SPMIP2: variants seen among roughly 807,000 people sequenced by gnomAD.
SPMIP2 encodes the protein sperm microtubule inner protein 2.
the SPMIP2 span, chr4:158,972,991 C>T: frequency 1.4e-3 from 1,190 of 861,098 alleles, 13 homozygotes; most frequent in African/African-American, 0.017. Context: ...AGAAATCAAG[C>T]ACCCGACATT....
At chr4:158,952,849 G>A in the SPMIP2 span, among the ~76,000 whole-genome samples, 4 of 152,198 alleles carry the variant, frequency 2.6e-5, no homozygotes, top group African/African-American at 9.6e-5. Flanking sequence ...GAGACTGGTG[G>A]CATTTTGCCC....
chr4:158,932,917 A>G, the SPMIP2 span, among the ~76,000 whole-genome samples: 1 of 152,230 alleles, frequency 6.6e-6, no homozygotes, highest in Non-Finnish European at 1.5e-5. Flanking sequence ...CATTGTTATT[A>G]CAAAGATTCA....
the SPMIP2 span, among the ~76,000 whole-genome samples, chr4:159,046,882 T>C: frequency 1.3e-5 from 2 of 152,236 alleles, no homozygotes; most frequent in Admixed American, 1.3e-4. Context: ...CCTTCAGCTG[T>C]TTATAGTGCT....
At chr4:158,899,899 T>C in the SPMIP2 span, among the ~76,000 whole-genome samples, 57 of 152,332 alleles carry the variant, frequency 3.7e-4, 2 homozygotes, top group East Asian at 8.5e-3. Flanking sequence ...CTTTTGAATT[T>C]GTTTGCTCTT....
chr4:159,021,397 T>G, the SPMIP2 span, among the ~76,000 whole-genome samples: 1 of 152,206 alleles, frequency 6.6e-6, no homozygotes, highest in Admixed American at 6.5e-5. Flanking sequence ...CGCATTGATT[T>G]GTGAATGAGC....
the SPMIP2 span, among the ~76,000 whole-genome samples, chr4:158,985,413 C>A: frequency 6.6e-6 from 1 of 150,964 alleles, no homozygotes; most frequent in African/African-American, 2.4e-5. Context: ...AATCCAGCAG[C>A]ACATCAAAAA....
At chr4:158,951,394 T>TAC in the SPMIP2 span, among the ~76,000 whole-genome samples, 1 of 152,180 alleles carries the variant, frequency 6.6e-6, no homozygotes, top group Non-Finnish European at 1.5e-5. Flanking sequence ...CTGAATATTG[T>TAC]AGACAATTGT....
the SPMIP2 span, among the ~76,000 whole-genome samples, chr4:158,953,303 G>A: frequency 6.6e-6 from 1 of 152,214 alleles, no homozygotes; most frequent in Non-Finnish European, 1.5e-5. Context: ...ATGGCTGAAA[G>A]GGGCCAACAT....
At chr4:158,989,061 A>G in the SPMIP2 span, among the ~76,000 whole-genome samples, 9 of 152,212 alleles carry the variant, frequency 5.9e-5, no homozygotes, top group African/African-American at 2.2e-4. Context: ...TCAGTGGGCA[A>G]AAATCACAAG....
chr4:158,939,393 C>CTTA, the SPMIP2 span, among the ~76,000 whole-genome samples: 1 of 152,160 alleles, frequency 6.6e-6, no homozygotes, highest in Admixed American at 6.5e-5. Context: ...TCATCTCTAT[C>CTTA]CTACTTACTA....
chr4:158,948,301 G>GA, the SPMIP2 span, among the ~76,000 whole-genome samples: 76 of 151,842 alleles, frequency 5.0e-4, no homozygotes, highest in African/African-American at 1.7e-3. Flanking sequence ...CTCTTGGGGG[G>GA]AAAAAAAGCT....
the SPMIP2 span, chr4:158,915,410 C>G: frequency 7.0e-7 from 1 of 1,430,012 alleles, no homozygotes; most frequent in South Asian, 1.3e-5. Context: ...AGAAACAAGG[C>G]CACCAGTTTT....
At chr4:159,011,945 A>G in the SPMIP2 span, among the ~76,000 whole-genome samples, 464 of 151,568 alleles carry the variant, frequency 3.1e-3, 1 homozygote, top group African/African-American at 0.01. Context: ...CACCTGTAAT[A>G]CTTAGGAGGC....
the SPMIP2 span, among the ~76,000 whole-genome samples, chr4:159,001,041 A>G: frequency 1.3e-4 from 20 of 152,332 alleles, no homozygotes; most frequent in African/African-American, 4.8e-4. Flanking sequence ...TGGCTGGATC[A>G]TATGGTAGAT....
chr4:158,966,577 A>G, the SPMIP2 span, among the ~76,000 whole-genome samples: 1 of 152,192 alleles, frequency 6.6e-6, no homozygotes, highest in South Asian at 2.1e-4. Context: ...GTATGTCACT[A>G]TCATCAAATA....
the SPMIP2 span, among the ~76,000 whole-genome samples, chr4:159,005,141 G>C: frequency 1.1e-5 from 1 of 88,440 alleles, no homozygotes; most frequent in African/African-American, 4.5e-5. Context: ...TGAGGCAGAA[G>C]AATCCCTTGA....
the SPMIP2 span, among the ~76,000 whole-genome samples, chr4:159,051,425 C>G: frequency 6.6e-6 from 1 of 152,170 alleles, no homozygotes; most frequent in African/African-American, 2.4e-5. Context: ...TTTCCCATGC[C>G]TCTCCCCACA....
the SPMIP2 span, among the ~76,000 whole-genome samples, chr4:159,014,811 C>T: frequency 1.3e-4 from 19 of 150,424 alleles, no homozygotes; most frequent in African/African-American, 2.0e-4. Context: ...CCATAGCTGA[C>T]GAGCTAAAAA....
At chr4:159,010,290 T>G in the SPMIP2 span, among the ~76,000 whole-genome samples, 1 of 152,202 alleles carries the variant, frequency 6.6e-6, no homozygotes, top group Non-Finnish European at 1.5e-5. Context: ...GACCTTGCAC[T>G]CTATGTGGGC....
Sources: allele counts gnomAD v4.1 joint callset (sites outside exome capture counted in the v4.1 genomes callset), GRCh38; gene constraint gnomAD v4.1.1; transcripts MANE v1.5; gene names NCBI Gene and HGNC (gene_info 2026-07-23, HGNC 2026-07-21).